The following CAST variants were observed in gnomAD, a reference collection of about 807,000 sequenced individuals.
CAST encodes the protein MIR583 host.
Under a neutral mutation model 119.6 loss-of-function variants are expected in CAST, and 76 were observed. The ratio of observed to expected loss-of-function variants is 0.64; its 90% CI spans 0.53 to 0.77. CAST has a LOEUF of 0.77. Ranked by LOEUF, CAST falls within the 30% of genes least tolerant of loss-of-function variation. CAST has a pLI of 0.00. For missense variants in CAST, 953 were observed against 946.5 expected, an observed-to-expected ratio of 1.01 and a Z score of -0.09; for synonymous variants, 319 against 331.6, an observed-to-expected ratio of 0.96 and a Z score of 0.41.
At chr5:96,035,241 T>G in the CAST span, among the ~76,000 whole-genome samples, 9 of 147,086 alleles carry the variant, frequency 6.1e-5, no homozygotes, top group African/African-American at 2.2e-4. Flanking sequence ...TTCAAAACAG[T>G]ATGTTGTACA....
At chr5:96,311,068 T>C in the CAST span, among the ~76,000 whole-genome samples, 1 of 152,076 alleles carries the variant, frequency 6.6e-6, no homozygotes, top group Non-Finnish European at 1.5e-5. Flanking sequence ...CATTTATTGC[T>C]ATGAAGTTTC....
the CAST span, among the ~76,000 whole-genome samples, chr5:96,151,576 C>A: frequency 6.6e-6 from 1 of 152,156 alleles, no homozygotes; most frequent in East Asian, 1.9e-4. Flanking sequence ...CAAGGATTAC[C>A]TCTCAAGAAA....
At chr5:96,464,804 C>T in the CAST span, among the ~76,000 whole-genome samples, 1 of 152,056 alleles carries the variant, frequency 6.6e-6, no homozygotes, top group Non-Finnish European at 1.5e-5. Context: ...AGAAATACAA[C>T]ATTGTTGGCT....
chr5:96,296,747 C>T, the CAST span, among the ~76,000 whole-genome samples: 1 of 152,206 alleles, frequency 6.6e-6, no homozygotes, highest in Non-Finnish European at 1.5e-5. Flanking sequence ...GATGTCTGCT[C>T]AACTGTGTTG....
At chr5:96,346,646 A>G in the CAST span, among the ~76,000 whole-genome samples, 1 of 152,136 alleles carries the variant, frequency 6.6e-6, no homozygotes, top group Non-Finnish European at 1.5e-5. Flanking sequence ...AAACCTCATA[A>G]TGTATCGTCT....
chr5:96,449,480 T>C, the CAST span, among the ~76,000 whole-genome samples: 1 of 152,298 alleles, frequency 6.6e-6, no homozygotes, highest in Non-Finnish European at 1.5e-5. Flanking sequence ...ACACCATCCA[T>C]GGAAAAATTG....
chr5:96,695,640 T>A (rs982369624), intron 2 of CAST, 196 bp from the exon 3 acceptor site: 1 of 444,504 alleles, frequency 2.2e-6, no homozygotes, highest in East Asian at 4.2e-5. Context: ...CTTATTCAAC[T>A]TACTCTTCAT....
the CAST span, among the ~76,000 whole-genome samples, chr5:96,322,191 G>GGAAA: frequency 6.6e-6 from 1 of 151,982 alleles, no homozygotes; most frequent in African/African-American, 2.4e-5. Context: ...GCTTAACTTG[G>GGAAA]GAAACAAGAA....
the CAST span, among the ~76,000 whole-genome samples, chr5:96,211,215 A>C: frequency 6.6e-6 from 1 of 151,998 alleles, no homozygotes; most frequent in Non-Finnish European, 1.5e-5. Flanking sequence ...AGTAAGAGTG[A>C]TAAAAGCAGA....
the CAST span, among the ~76,000 whole-genome samples, chr5:96,488,690 A>T: frequency 6.6e-6 from 1 of 152,244 alleles, no homozygotes; most frequent in African/African-American, 2.4e-5. Context: ...TTTTGAAGGT[A>T]TGCAAATGCA....
chr5:96,425,187 C>T, the CAST span, among the ~76,000 whole-genome samples: 11 of 152,124 alleles, frequency 7.2e-5, no homozygotes, highest in African/African-American at 1.9e-4. Context: ...TTCTCAACAA[C>T]AAATCCTTCT....
At chr5:96,472,308 T>C in the CAST span, among the ~76,000 whole-genome samples, 1 of 152,292 alleles carries the variant, frequency 6.6e-6, no homozygotes, top group East Asian at 1.9e-4. Context: ...GATGCCTCAA[T>C]TCCTCCCTCC....
At chr5:96,653,690 T>A (rs1167955503) in intron 1 of CAST, among the ~76,000 whole-genome samples, 3 of 152,228 alleles carry the variant, frequency 2.0e-5, no homozygotes, top group African/African-American at 7.2e-5. Context: ...GATCTTTATC[T>A]TGTATCTTAA....
At chr5:96,259,625 A>T in the CAST span, among the ~76,000 whole-genome samples, 2 of 152,134 alleles carry the variant, frequency 1.3e-5, no homozygotes, top group Non-Finnish European at 2.9e-5. Flanking sequence ...TCTTCCTGAG[A>T]TAGGGCTGTG....
At chr5:96,099,290 C>T in the CAST span, among the ~76,000 whole-genome samples, 1 of 152,164 alleles carries the variant, frequency 6.6e-6, no homozygotes, top group East Asian at 1.9e-4. Context: ...TTGACTTCCT[C>T]TCTTCCTGTT....
At chr5:96,412,892 C>T in the CAST span, 3 of 227,878 alleles carry the variant, frequency 1.3e-5, no homozygotes, top group Non-Finnish European at 2.4e-5. Flanking sequence ...AATGTTTGCC[C>T]TCCCTCCCAC....
chr5:96,619,307 A>G (rs1747539466), intron 1 of CAST, among the ~76,000 whole-genome samples: 2 of 149,978 alleles, frequency 1.3e-5, no homozygotes, highest in South Asian at 2.1e-4. Flanking sequence ...CATCGCATCA[A>G]TCAGCACTCT....
At chr5:96,525,834 G>T (rs918022614), upstream of CAST, among the ~76,000 whole-genome samples, 4 of 152,226 alleles carry the variant, frequency 2.6e-5, no homozygotes, top group African/African-American at 9.6e-5. Flanking sequence ...TGCTGAGGTT[G>T]TCTTCCAAAG....
At chr5:96,082,647 T>G in the CAST span, among the ~76,000 whole-genome samples, 1 of 152,260 alleles carries the variant, frequency 6.6e-6, no homozygotes, top group Non-Finnish European at 1.5e-5. Flanking sequence ...ACTTTTATTA[T>G]TAGTTATACA....
Sources: gnomAD v4.1 joint callset for allele counts (sites outside exome capture counted in the v4.1 genomes callset) on GRCh38, gnomAD v4.1.1 for gene constraint, MANE v1.5 for transcripts, NCBI Gene and HGNC (gene_info 2026-07-23, HGNC 2026-07-21) for gene names.